SLC41A3: variants seen among roughly 807,000 people sequenced by gnomAD.
The protein encoded by SLC41A3 is SLC41A1-like 2.
In SLC41A3, 44 loss-of-function variants were observed where a neutral mutation model predicts 45.4. The observed-to-expected ratio is 0.97, with a 90% CI of 0.76 to 1.25. SLC41A3 has a LOEUF of 1.25. Ranked by LOEUF, SLC41A3 falls within the 50% of genes most tolerant of loss-of-function variation. The probability of loss-of-function intolerance (pLI) is 0.00; values close to 1 mark genes in which losing one functional copy is unlikely to be tolerated. For missense variants in SLC41A3, 550 were observed against 600.6 expected (o/e 0.92, Z 0.88); for synonymous variants, 256 against 252.4 (o/e 1.01, Z -0.13).
intron 1 of SLC41A3, among the ~76,000 whole-genome samples, chr3:126,079,216 A>G (rs1229925897): frequency 2.3e-5 from 3 of 132,016 alleles, no homozygotes; most frequent in Non-Finnish European, 5.1e-5. Context: ...AGGGAAACAC[A>G]CACACACACA....
rs866479284 is a variant in SLC41A3 at position 126,008,859 on chromosome 3, C to T, written c.1127G>A (p.Arg376Gln). The change falls in exon 10 of 11, where the codon CGA becomes CAA. Residue 376 changes from arginine (R) to glutamine (Q), a missense_variant. Coordinates refer to ENST00000360370, the MANE Select transcript of SLC41A3 (RefSeq NM_017836.4). ...TGGGACCACCAGCAAGAGCAGGACT[C>T]GAGCTGACATGGAATTGATTTCTGA... The part of the protein sequence containing the change: ...CTSEINSMSA[R>Q]VLLLLVVPGH... 13 of 1,614,000 alleles carry T rather than the reference C, an allele frequency of 8.1e-6. No homozygotes were observed. The highest frequency in any genetic ancestry group is 2.7e-5 in the African/African-American group (2 of 74,926).
intron 1 of SLC41A3, among the ~76,000 whole-genome samples, chr3:126,101,159 G>T (rs1945701367): frequency 6.6e-6 from 1 of 152,190 alleles, no homozygotes; most frequent in Admixed American, 6.5e-5. Context: ...GTGTCACTGG[G>T]TCTGCTTCCA....
At chr3:126,072,020 T>C (rs1489431472) in intron 1 of SLC41A3, among the ~76,000 whole-genome samples, 4 of 152,078 alleles carry the variant, frequency 2.6e-5, no homozygotes, top group Admixed American at 2.0e-4. Flanking sequence ...AGTGATCTGC[T>C]CACCTCGGCC....
rs538028837 is a variant in SLC41A3 at position 126,006,845 on chromosome 3, G to C, written c.*171C>G. On this transcript the variant is annotated 3_prime_UTR_variant, in exon 11 of 11. Transcript: ENST00000360370. ...TTTCAGGGCTCTATTGCAGGCTCAG[G>C]TATCAACCCCAGAGCCGAGGTGTGT... 1.3e-5 allele frequency: 19 copies of C among 1,465,062 alleles called. No homozygotes were observed. The South Asian group carries it at 2.6e-4, about 20-fold the overall frequency. 90.8% of individuals were successfully genotyped at this position (1,465,062 alleles called of 1,614,324 possible).
chr3:126,056,611 C>G, intron 2 of SLC41A3: 1 of 1,558,180 alleles, frequency 6.4e-7, no homozygotes, highest in South Asian at 1.2e-5. Flanking sequence ...GTGCTCCAGT[C>G]CTCTCCTCCT....
chr3:126,044,098 G>C (rs1351612755), intron 3 of SLC41A3, among the ~76,000 whole-genome samples: 1 of 152,186 alleles, frequency 6.6e-6, no homozygotes, highest in Non-Finnish European at 1.5e-5. Context: ...ATTGTGAAAA[G>C]ATGCTATAAG....
In SLC41A3 at chr3:126,067,467, C is replaced by T. The variant is rs1039128904; in HGVS notation, c.273+480G>A. The T allele has an allele frequency of 2.5e-4, 84 of 339,314 alleles. 2 individuals carry two copies. The highest frequency in any genetic ancestry group is 8.6e-4 in the Middle Eastern group (1 of 1,168). The allele number at this position is 339,314 out of a possible 1,614,324, so 21.0% of individuals were successfully genotyped here. A position where few individuals can be genotyped will look rare whatever the true frequency, so the allele number is the denominator to read the frequency against. On this transcript the variant is annotated intron_variant, in intron 2 of 10. Coordinates refer to ENST00000360370, the MANE Select transcript of SLC41A3 (RefSeq NM_017836.4). ...TTAGGAAGAGGGATTAGGACAGAGA[C>T]ATGCAGAGGAAAGATCACCTGAAGA...
chr3:126,033,685 TGAAGA>T lies in SLC41A3; in HGVS notation c.382-12_382-8del. On this transcript the variant is annotated splice_polypyrimidine_tract_variant and splice_region_variant and intron_variant, in intron 3 of 10. Coordinates refer to ENST00000360370, the MANE Select transcript of SLC41A3 (RefSeq NM_017836.4). Reference sequence around the variant, plus strand: ...CAATTTGTCCAGTGTTGGCCTAGAATGAAGAGAAAAGGACAAAGGTAGGACTGGCT... The same window carrying T: ...CAATTTGTCCAGTGTTGGCCTAGAATGAAAAGGACAAAGGTAGGACTGGCT... The T allele has an allele frequency of 1.2e-6, 2 of 1,611,772 alleles. No homozygotes were observed. Among genetic ancestry groups the T allele is most frequent in the Non-Finnish European group, 1.7e-6 (2 of 1,179,476 alleles).
At chr3:126,016,661 G>A (rs1940314601) in intron 7 of SLC41A3, 70 bp downstream of exon 7, 5 of 1,536,740 alleles carry the variant, frequency 3.3e-6, no homozygotes, top group Middle Eastern at 2.0e-4. Context: ...GGCAGTGAGT[G>A]TCACCCTGGT....
chr3:126,010,519 GA>G (rs1353183612), intron 9 of SLC41A3, among the ~76,000 whole-genome samples: 1 of 152,200 alleles, frequency 6.6e-6, no homozygotes, highest in Non-Finnish European at 1.5e-5. Context: ...CAAAGGCCAG[GA>G]AAGGGGAAGC....
chr3:126,050,578 G>T (rs142503290), intron 3 of SLC41A3, among the ~76,000 whole-genome samples: 14 of 152,302 alleles, frequency 9.2e-5, no homozygotes, highest in African/African-American at 3.4e-4. Context: ...CCCTCCATCA[G>T]GTCTGCATTG....
intron 2 of SLC41A3, among the ~76,000 whole-genome samples, chr3:126,058,495 G>A (rs1281609114): frequency 6.6e-6 from 1 of 152,134 alleles, no homozygotes; most frequent in Non-Finnish European, 1.5e-5. Context: ...AGAAATGCAA[G>A]CCTCACTCGG....
At chr3:126,087,542 T>C (rs1945418204), upstream of SLC41A3, among the ~76,000 whole-genome samples, 1 of 151,970 alleles carries the variant, frequency 6.6e-6, no homozygotes. Flanking sequence ...TTAAAGGTTA[T>C]GTATAAAACA....
intron 1 of SLC41A3, among the ~76,000 whole-genome samples, chr3:126,097,225 C>T (rs925425840): frequency 2.2e-4 from 33 of 152,168 alleles, no homozygotes; most frequent in Admixed American, 5.2e-4. Context: ...TATACACAGG[C>T]CCATCTGAGG....
chr3:126,016,441 C>G (rs915834286), intron 7 of SLC41A3, among the ~76,000 whole-genome samples: 10 of 152,244 alleles, frequency 6.6e-5, no homozygotes, highest in Non-Finnish European at 1.0e-4. Flanking sequence ...CCTTGGGGCT[C>G]CAGTGCACTC....
intron 3 of SLC41A3, 64 bp from the exon 4 acceptor site, chr3:126,033,742 T>C: frequency 1.3e-6 from 2 of 1,521,964 alleles, no homozygotes; most frequent in South Asian, 2.4e-5. Context: ...CAACCCTTCC[T>C]GGGAAAGGCA....
At position 126,022,878 on chromosome 3, in the gene SLC41A3, T is replaced by A. The variant is rs755813108; in HGVS notation, c.653A>T (p.Asp218Val). The change falls in exon 6 of 11, where the codon GAC becomes GTC. Residue 218 changes from aspartate to valine, a missense_variant. Coordinates refer to ENST00000360370, the MANE Select transcript of SLC41A3 (RefSeq NM_017836.4). Reference protein sequence around the residue: ...IGARKLGVNPDNIATPIAASL... With the variant: ...IGARKLGVNPVNIATPIAASL... ...GGCTGCAATGGGCGTGGCAATGTTG[T>A]CTGGGTTGACCCCGAGCTTTCGAGC... 16 of 1,614,056 alleles carry A rather than the reference T, an allele frequency of 9.9e-6. No homozygotes were observed. The highest frequency in any genetic ancestry group is 1.4e-5 in the Non-Finnish European group (16 of 1,180,038).
At chr3:126,095,225 A>T in intron 1 of SLC41A3, 1 of 692,102 alleles carries the variant, frequency 1.4e-6, no homozygotes, top group Non-Finnish European at 2.6e-6. Context: ...CCATCAAGAC[A>T]CCTGAAACCT....
chr3:126,043,974 T>C (rs1317199294), intron 3 of SLC41A3, among the ~76,000 whole-genome samples: 2 of 152,030 alleles, frequency 1.3e-5, no homozygotes, highest in African/African-American at 2.4e-5. Flanking sequence ...AATCCCTCAA[T>C]CAAAATACAA....
Sources: gnomAD v4.1 joint callset for allele counts (sites outside exome capture counted in the v4.1 genomes callset) on GRCh38, gnomAD v4.1.1 for gene constraint, MANE v1.5 for transcripts, NCBI Gene and HGNC (gene_info 2026-07-23, HGNC 2026-07-21) for gene names.